GABRG3: variants seen among roughly 807,000 people sequenced by gnomAD.
GABRG3 encodes the protein gamma-aminobutyric acid type A receptor subunit gamma3.
GABRG3 carries 25 observed loss-of-function variants against 48.8 expected under a neutral mutation model. That is an observed-to-expected ratio of 0.51 (90% CI 0.37 to 0.72). The LOEUF is 0.72. Among genes scored for constraint, GABRG3 ranks in the 30% least tolerant of loss-of-function variants. The pLI, the probability that GABRG3 is intolerant of heterozygous loss-of-function variation, is 0.00. For synonymous variants in GABRG3, 227 were observed against 217.6 expected (o/e 1.04, Z -0.38); for missense variants, 394 against 577.9 (o/e 0.68, Z 3.26).
intron 3 of GABRG3, among the ~76,000 whole-genome samples, chr15:27,271,203 G>A (rs1463841338): frequency 3.3e-5 from 5 of 152,188 alleles, no homozygotes; most frequent in African/African-American, 1.2e-4. Flanking sequence ...AGGGAGAAAG[G>A]CTGTTCCACA....
intron 3 of GABRG3, among the ~76,000 whole-genome samples, chr15:27,119,692 C>T (rs1420775283): frequency 2.0e-5 from 3 of 152,156 alleles, no homozygotes; most frequent in Admixed American, 1.3e-4. Context: ...TCATAGAATT[C>T]ATATTCTTGT....
At chr15:27,098,249 C>T (rs1223347100) in intron 3 of GABRG3, among the ~76,000 whole-genome samples, 1 of 152,088 alleles carries the variant, frequency 6.6e-6, no homozygotes, top group African/African-American at 2.4e-5. Flanking sequence ...GCCTGACCAA[C>T]ATGGTGAAAC....
At chr15:27,271,429 G>C (rs1891083939) in intron 3 of GABRG3, 1 of 393,326 alleles carries the variant, frequency 2.5e-6, no homozygotes, top group African/African-American at 2.1e-5. Flanking sequence ...TGGTATGCCA[G>C]GTGCTGCAGA....
intron 5 of GABRG3, among the ~76,000 whole-genome samples, chr15:27,423,458 AT>A (rs1252407599): frequency 6.6e-6 from 1 of 151,368 alleles, no homozygotes; most frequent in East Asian, 2.0e-4. Context: ...TATGCAGTCT[AT>A]TATCAAATCT....
rs34901488 is a variant in GABRG3 at position 27,369,806 on chromosome 15, C to CAAAAAAAAAAAAAAA, written c.574+40932_574+40946dup. Reference sequence around the variant, plus strand: ...TGGGCGACAGAGTGAGACTCCGTCTCAAAAAAAAAAAAAAAAAAAAAAAAA... The same window carrying CAAAAAAAAAAAAAAA: ...TGGGCGACAGAGTGAGACTCCGTCTCAAAAAAAAAAAAAAAAAAAAAAAAAAAAAAAAAAAAAAAA... On this transcript the variant is annotated intron_variant, in intron 5 of 9. Coordinates refer to ENST00000615808, the MANE Select transcript of GABRG3 (RefSeq NM_033223.5). Among the ~76,000 whole-genome samples, 6 of 30,270 alleles carry CAAAAAAAAAAAAAAA rather than the reference C, an allele frequency of 2.0e-4. 1 individual carries two copies. The highest frequency in any genetic ancestry group is 5.4e-4 in the African/African-American group (6 of 11,134). The allele number at this position is 30,270 out of a possible 152,430, so 19.9% of individuals were successfully genotyped here.
At chr15:27,401,306 A>G (rs1227670979) in intron 5 of GABRG3, among the ~76,000 whole-genome samples, 2 of 152,170 alleles carry the variant, frequency 1.3e-5, no homozygotes, top group Non-Finnish European at 2.9e-5. Context: ...TTCCTTAATT[A>G]CCATATGTAT....
intron 3 of GABRG3, among the ~76,000 whole-genome samples, chr15:27,279,193 A>G (rs551749702): frequency 6.6e-6 from 1 of 152,128 alleles, no homozygotes; most frequent in Non-Finnish European, 1.5e-5. Context: ...TTTGTCAACT[A>G]TTTTCTCTTA....
chr15:26,994,107 G>T (rs1895295385), intron 2 of GABRG3, among the ~76,000 whole-genome samples: 1 of 151,882 alleles, frequency 6.6e-6, no homozygotes, highest in Non-Finnish European at 1.5e-5. Context: ...GGTGAAGTGT[G>T]TTTCTTGTAG....
chr15:27,056,261 G>A (rs1034490244), intron 3 of GABRG3, among the ~76,000 whole-genome samples: 4 of 150,824 alleles, frequency 2.7e-5, no homozygotes, highest in Non-Finnish European at 5.9e-5. Flanking sequence ...TGAGGTGGGA[G>A]GATCACTTGA....
chr15:27,088,901 C>T (rs972499858), intron 3 of GABRG3, among the ~76,000 whole-genome samples: 3 of 151,908 alleles, frequency 2.0e-5, no homozygotes, highest in African/African-American at 7.3e-5. Context: ...GGGGGAGATG[C>T]ATGGGGAGGA....
intron 2 of GABRG3, among the ~76,000 whole-genome samples, chr15:26,977,596 T>C (rs542110991): frequency 6.6e-6 from 1 of 152,370 alleles, no homozygotes; most frequent in South Asian, 2.1e-4. Context: ...GAGACTGGCT[T>C]TTCTTTATTC....
chr15:27,020,420 C>G (rs957579793), intron 2 of GABRG3, among the ~76,000 whole-genome samples: 3 of 152,114 alleles, frequency 2.0e-5, no homozygotes, highest in African/African-American at 7.2e-5. Context: ...TTTTCTATCT[C>G]TTTGTTTTTG....
chr15:27,214,434 A>G (rs754900052), intron 3 of GABRG3, among the ~76,000 whole-genome samples: 1 of 152,140 alleles, frequency 6.6e-6, no homozygotes, highest in Non-Finnish European at 1.5e-5. Flanking sequence ...ACGGTTAAAT[A>G]CTCAAACAAA....
At chr15:27,502,476 G>A (rs1890664067) in intron 6 of GABRG3, among the ~76,000 whole-genome samples, 1 of 152,148 alleles carries the variant, frequency 6.6e-6, no homozygotes, top group Non-Finnish European at 1.5e-5. Flanking sequence ...CAAATGTGTG[G>A]CTTTTTTCCC....
chr15:27,353,791 A>C (rs965281606), intron 5 of GABRG3, among the ~76,000 whole-genome samples: 10 of 152,080 alleles, frequency 6.6e-5, no homozygotes, highest in Admixed American at 3.3e-4. Context: ...CTTCAAAGTA[A>C]CCATATCCAA....
chr15:27,114,426 T>C (rs1313055317), intron 3 of GABRG3, among the ~76,000 whole-genome samples: 2 of 152,238 alleles, frequency 1.3e-5, no homozygotes, highest in Non-Finnish European at 2.9e-5. Context: ...ATCTTATAGC[T>C]GTGCATTCTT....
At chr15:27,107,820 T>C (rs1402290322) in intron 3 of GABRG3, among the ~76,000 whole-genome samples, 3 of 151,956 alleles carry the variant, frequency 2.0e-5, no homozygotes, top group Non-Finnish European at 4.4e-5. Flanking sequence ...TTATTAAATT[T>C]GTTGATATAG....
intron 3 of GABRG3, among the ~76,000 whole-genome samples, chr15:27,253,766 A>G (rs1455490825): frequency 6.6e-6 from 1 of 152,228 alleles, no homozygotes; most frequent in African/African-American, 2.4e-5. Flanking sequence ...TTCATCTGCC[A>G]CTGTGCCAGC....
intron 5 of GABRG3, among the ~76,000 whole-genome samples, chr15:27,405,766 C>A (rs1887612141): frequency 6.6e-6 from 1 of 151,912 alleles, no homozygotes; most frequent in Non-Finnish European, 1.5e-5. Flanking sequence ...AATGAGTACA[C>A]CCAGCACCCT....
Sources: allele counts gnomAD v4.1 joint callset (sites outside exome capture counted in the v4.1 genomes callset), GRCh38; gene constraint gnomAD v4.1.1; transcripts MANE v1.5; gene names NCBI Gene and HGNC (gene_info 2026-07-23, HGNC 2026-07-21).